GRIK4: variants seen among roughly 807,000 people sequenced by gnomAD.
GRIK4 encodes the protein glutamate receptor ionotropic, kainate 4.
A neutral mutation model predicts 104.9 loss-of-function variants in GRIK4; 40 were observed. That is an observed-to-expected ratio of 0.38 (90% confidence interval 0.30 to 0.50). GRIK4 has a LOEUF of 0.50. GRIK4 is among the 20% of genes least tolerant of loss of function. The pLI, the probability that GRIK4 is intolerant of heterozygous loss-of-function variation, is 0.93. For synonymous variants in GRIK4, 485 were observed against 524.9 expected (o/e 0.92, Z 1.04); for missense variants, 1,047 against 1,308.1 (o/e 0.80, Z 3.08).
intron 1 of GRIK4, among the ~76,000 whole-genome samples, chr11:120,590,471 C>T (rs1050919863): frequency 1.3e-5 from 2 of 152,162 alleles, no homozygotes; most frequent in African/African-American, 2.4e-5. Flanking sequence ...CCTATCGATG[C>T]CTCCCTGCAC....
chr11:120,720,665 A>G (rs1247178711), intron 3 of GRIK4, among the ~76,000 whole-genome samples: 1 of 152,138 alleles, frequency 6.6e-6, no homozygotes, highest in Non-Finnish European at 1.5e-5. Flanking sequence ...GCACCAGGAT[A>G]GGCAATTGTG....
chr11:120,953,696 C>T lies in GRIK4; in HGVS notation c.1700+732C>T, dbSNP rs1384475591. On this transcript the variant is annotated intron_variant, in intron 15 of 20. Coordinates refer to ENST00000527524, the MANE Select transcript of GRIK4 (RefSeq NM_014619.5). This position sits in a 1 kb window ranked among gnomAD's most constrained non-coding sequence, Gnocchi z 4.9. ...GAAAAACCTGAGGAGCAGCCTGAGG[C>T]TGTGGCCTCCCAAGACTGTGCACAG... 6.6e-6 allele frequency among the ~76,000 whole-genome samples: 1 copy of T among 152,218 alleles called. No individual in the cohort carries two copies. Among genetic ancestry groups the T allele is most frequent in the Non-Finnish European group, 1.5e-5 (1 of 68,032 alleles).
intron 3 of GRIK4, among the ~76,000 whole-genome samples, chr11:120,700,448 A>G (rs1313084099): frequency 6.6e-6 from 1 of 150,622 alleles, no homozygotes; most frequent in Non-Finnish European, 1.5e-5. Flanking sequence ...TAATTTTTGT[A>G]TTTTTATTTT....
chr11:120,571,102 C>G (rs1591702926), intron 1 of GRIK4, among the ~76,000 whole-genome samples: 1 of 152,192 alleles, frequency 6.6e-6, no homozygotes, highest in East Asian at 1.9e-4. Flanking sequence ...GACTGCTTGC[C>G]TTGTAGGCCT....
chr11:120,907,552 C>T (rs927414864), intron 13 of GRIK4, among the ~76,000 whole-genome samples: 1 of 152,162 alleles, frequency 6.6e-6, no homozygotes, highest in African/African-American at 2.4e-5. Flanking sequence ...ATTTATTGAA[C>T]ATCTTCCACT....
chr11:120,532,552 G>T (rs151143854), intron 1 of GRIK4, among the ~76,000 whole-genome samples: 1 of 152,146 alleles, frequency 6.6e-6, no homozygotes, highest in Non-Finnish European at 1.5e-5. Flanking sequence ...CCTCTGAGCC[G>T]GCTGGCTGCT....
At position 120,555,799 on chromosome 11, in the gene GRIK4, C is replaced by T. The variant is rs2248558; in HGVS notation, c.-159+43912C>T. Among the ~76,000 whole-genome samples, 10,362 of 152,104 alleles carry T rather than the reference C, an allele frequency of 0.068. 1,198 individuals carry two copies. The highest frequency in any genetic ancestry group is 0.24 in the African/African-American group (9,759 of 41,436). On this transcript the variant is annotated intron_variant, in intron 1 of 20. Coordinates refer to ENST00000527524, the MANE Select transcript of GRIK4 (RefSeq NM_014619.5). The surrounding 1 kb of genome is among the most constrained non-coding windows in gnomAD (Gnocchi z 5.3). ...CAGAGGCCTTGGGGCTTCTTCCCAC[C>T]GTCATTATTGATGTCCCTGCCACCA... is the stretch of plus-strand genomic sequence containing the variant.
rs1362509220 is a variant in GRIK4 at position 120,549,900 on chromosome 11, G to A, written c.-159+38013G>A. The stretch of plus-strand genomic sequence containing the variant: ...TGAGATGTGAACCTGCGAGGTAGAC[G>A]GCAGCCTCAGCCATTTTGCTATCAA... On this transcript the variant is annotated intron_variant, in intron 1 of 20. Transcript: ENST00000527524. This position sits in a 1 kb window ranked among gnomAD's most constrained non-coding sequence, Gnocchi z 4.7. 1.3e-5 allele frequency among the ~76,000 whole-genome samples: 2 copies of A among 152,168 alleles called. No individual in the cohort carries two copies. The highest frequency in any genetic ancestry group is 2.4e-5 in the African/African-American group (1 of 41,424).
At chr11:120,972,987 G>A (rs1039591663) in intron 19 of GRIK4, among the ~76,000 whole-genome samples, 4 of 152,054 alleles carry the variant, frequency 2.6e-5, no homozygotes, top group African/African-American at 4.8e-5. Flanking sequence ...AGTGGACTAC[G>A]GCATAAGACC....
At chr11:120,765,451 T>A (rs1951819755) in intron 3 of GRIK4, among the ~76,000 whole-genome samples, 1 of 152,144 alleles carries the variant, frequency 6.6e-6, no homozygotes, top group Non-Finnish European at 1.5e-5. Context: ...TTCTGAAGCC[T>A]ACTTCTATCA....
chr11:120,630,767 G>C (rs1949323621), intron 1 of GRIK4, among the ~76,000 whole-genome samples: 2 of 152,210 alleles, frequency 1.3e-5, no homozygotes, highest in African/African-American at 4.8e-5. Flanking sequence ...TGCGGATGTT[G>C]GACAGTGTGA....
Position 120,653,472 on chromosome 11 carries a change from T to C in GRIK4, c.-158-213T>C, listed in dbSNP as rs558207947. Reference sequence around the variant, plus strand: ...GCTCACAGTGCATCTTTGAGGGCTTTGGGGGACAGCATGTGAATAAATGGT... The same window carrying C: ...GCTCACAGTGCATCTTTGAGGGCTTCGGGGGACAGCATGTGAATAAATGGT... On this transcript the variant is annotated intron_variant, in intron 1 of 20. Transcript: ENST00000527524. 2.6e-5 allele frequency among the ~76,000 whole-genome samples: 4 copies of C among 152,232 alleles called. No individual in the cohort carries two copies. In the South Asian group the frequency reaches 8.3e-4, roughly 32 times the overall value.
chr11:120,880,687 GC>G (rs139332763), intron 11 of GRIK4, among the ~76,000 whole-genome samples: 184 of 152,356 alleles, frequency 1.2e-3, no homozygotes, highest in African/African-American at 4.2e-3. Flanking sequence ...CATGTCCTGG[GC>G]TGAGGAATTC....
intron 3 of GRIK4, among the ~76,000 whole-genome samples, chr11:120,674,111 A>G (rs1950063073): frequency 6.6e-6 from 1 of 152,190 alleles, no homozygotes; most frequent in Non-Finnish European, 1.5e-5. Flanking sequence ...GAGATGCACC[A>G]TTAGTGCCTT....
At chr11:120,772,775 G>A (rs141109794) in intron 3 of GRIK4, among the ~76,000 whole-genome samples, 34 of 152,044 alleles carry the variant, frequency 2.2e-4, no homozygotes, top group African/African-American at 7.7e-4. Context: ...GCATGCTGCT[G>A]GAAGGATTGG....
At chr11:120,776,210 A>G (rs1406713573) in intron 3 of GRIK4, among the ~76,000 whole-genome samples, 2 of 152,146 alleles carry the variant, frequency 1.3e-5, no homozygotes, top group Non-Finnish European at 2.9e-5. Context: ...AAGTGGAGGG[A>G]AGCAGTAAAA....
At chr11:120,581,198 T>A (rs1948576299) in intron 1 of GRIK4, among the ~76,000 whole-genome samples, 2 of 152,222 alleles carry the variant, frequency 1.3e-5, no homozygotes, top group African/African-American at 2.4e-5. Context: ...TTTCTCCCAG[T>A]CTATGGCTTG....
chr11:120,763,538 G>T (rs1478709299), intron 3 of GRIK4, among the ~76,000 whole-genome samples: 1 of 152,042 alleles, frequency 6.6e-6, no homozygotes, highest in Non-Finnish European at 1.5e-5. Context: ...TGATGTTAGG[G>T]TGTCAATTTT....
chr11:120,515,000 A>T (rs1348305342), intron 1 of GRIK4: 3 of 456,530 alleles, frequency 6.6e-6, no homozygotes, highest in Non-Finnish European at 1.3e-5. Context: ...AACGCTTCTC[A>T]CAGGGGACCC....
Sources: gnomAD v4.1 joint callset for allele counts (sites outside exome capture counted in the v4.1 genomes callset) on GRCh38, gnomAD v4.1.1 for gene constraint, Gnocchi (gnomAD v3.1) non-coding constraint, MANE v1.5 for transcripts, NCBI Gene and HGNC (gene_info 2026-07-23, HGNC 2026-07-21) for gene names.